Variants in NCAM2 observed in about 807,000 individuals in gnomAD.
NCAM2 encodes neural cell adhesion molecule 2.
A neutral mutation model predicts 98.1 loss-of-function variants in NCAM2; 30 were observed. That is an observed-to-expected ratio of 0.31 (90% CI 0.23 to 0.41). The LOEUF is 0.41. NCAM2 is among the 10% of genes least tolerant of loss of function. The pLI, the probability that NCAM2 is intolerant of heterozygous loss-of-function variation, is 1.00. For missense variants in NCAM2, 867 were observed against 1,005.8 expected, an observed-to-expected ratio of 0.86 and a Z score of 1.87; for synonymous variants, 368 against 342.4, an observed-to-expected ratio of 1.07 and a Z score of -0.83.
chr21:21,353,410 T>C (rs117464632), intron 8 of NCAM2, among the ~76,000 whole-genome samples: 2,664 of 152,290 alleles, frequency 0.017, 29 homozygotes, highest in Non-Finnish European at 0.027. Context: ...TTCCAGATCT[T>C]GTGACTGTAT....
intron 2 of NCAM2, among the ~76,000 whole-genome samples, chr21:21,282,903 CTATTA>C (rs1309827334): frequency 1.3e-5 from 2 of 151,540 alleles, no homozygotes; most frequent in African/African-American, 2.4e-5. Context: ...ATGAAATGTT[CTATTA>C]TATTAAGAAT....
intron 1 of NCAM2, among the ~76,000 whole-genome samples, chr21:21,268,613 T>A (rs1485661988): frequency 6.6e-6 from 1 of 152,140 alleles, no homozygotes; most frequent in East Asian, 1.9e-4. Flanking sequence ...CTCTCACTGT[T>A]ATTTTATCTC....
chr21:21,397,374 G>T (rs1392208831), intron 9 of NCAM2, among the ~76,000 whole-genome samples: 1 of 152,166 alleles, frequency 6.6e-6, no homozygotes, highest in Non-Finnish European at 1.5e-5. Flanking sequence ...CCCCCAGGCT[G>T]TTCATGCCAA....
rs112099348 is a variant in NCAM2, at chr21:21,044,703, T to C, written c.55+46085T>C. Among the ~76,000 whole-genome samples the C allele has an allele frequency of 5.9e-3, 904 of 152,296 alleles. 10 individuals are homozygous for C. Among genetic ancestry groups the C allele is most frequent in the African/African-American group, 0.02 (835 of 41,566 alleles). On this transcript the variant is annotated intron_variant, in intron 1 of 17. Transcript: ENST00000400546. ...GGATATGGCCAGATATGGCAGCTCATGCCTGTAATCCTAACATTTTGGGAG... is the reference window on the plus strand; with the variant it reads ...GGATATGGCCAGATATGGCAGCTCACGCCTGTAATCCTAACATTTTGGGAG...
intron 16 of NCAM2, among the ~76,000 whole-genome samples, chr21:21,521,709 A>C (rs560392410): frequency 1.2e-4 from 19 of 152,228 alleles, no homozygotes; most frequent in Non-Finnish European, 2.1e-4. Flanking sequence ...AAGAGGAAAT[A>C]AGAAAAAAAA....
intron 12 of NCAM2, among the ~76,000 whole-genome samples, chr21:21,449,493 G>A (rs1263497143): frequency 3.3e-5 from 5 of 151,928 alleles, no homozygotes; most frequent in Non-Finnish European, 7.4e-5. Context: ...TCCCAGTGAA[G>A]AATTCTTGTG....
intron 1 of NCAM2, among the ~76,000 whole-genome samples, chr21:21,018,745 A>G (rs551104337): frequency 6.6e-6 from 1 of 152,304 alleles, no homozygotes; most frequent in East Asian, 1.9e-4. Flanking sequence ...CAGGTCAACT[A>G]AGTGCACTTA....
chr21:21,210,520 A>G, intron 1 of NCAM2: 1 of 1,284,356 alleles, frequency 7.8e-7, no homozygotes, highest in Non-Finnish European at 1.0e-6. Flanking sequence ...AAGAGACTTA[A>G]AGAACAATTT....
At chr21:21,531,140 C>T (rs956610039) in intron 16 of NCAM2, among the ~76,000 whole-genome samples, 5 of 152,012 alleles carry the variant, frequency 3.3e-5, no homozygotes, top group East Asian at 1.9e-4. Flanking sequence ...TTAACCTTTT[C>T]TCTTACTTGT....
At chr21:21,147,243 A>T (rs1251017006) in intron 1 of NCAM2, 2 of 985,296 alleles carry the variant, frequency 2.0e-6, no homozygotes, top group Admixed American at 1.2e-4. Context: ...CCGGCATTTC[A>T]ACAAAAATGT....
chr21:21,482,053 G>C (rs111361813), intron 15 of NCAM2, among the ~76,000 whole-genome samples: 9,559 of 151,838 alleles, frequency 0.063, 1,020 homozygotes, highest in African/African-American at 0.22. Flanking sequence ...AGCCAAGATC[G>C]CGCCATTGCA....
chr21:21,322,888 G>T (rs749100115), intron 5 of NCAM2, among the ~76,000 whole-genome samples: 10 of 152,118 alleles, frequency 6.6e-5, no homozygotes, highest in Non-Finnish European at 1.3e-4. Flanking sequence ...ATAACTTGAA[G>T]GTAGTCCACC....
intron 1 of NCAM2, among the ~76,000 whole-genome samples, chr21:21,178,849 G>A (rs2068380882): frequency 6.6e-6 from 1 of 151,896 alleles, no homozygotes; most frequent in African/African-American, 2.4e-5. Flanking sequence ...TTATGCTTGA[G>A]CTTCAGGCTT....
At chr21:21,357,226 C>T (rs984621103) in intron 8 of NCAM2, among the ~76,000 whole-genome samples, 4 of 152,016 alleles carry the variant, frequency 2.6e-5, no homozygotes, top group African/African-American at 4.8e-5. Context: ...TACACAGGCC[C>T]GTTCAATGCG....
chr21:21,247,580 A>T lies in NCAM2; in HGVS notation c.56-32998A>T, dbSNP rs1292058506. Among the ~76,000 whole-genome samples the T allele has an allele frequency of 3.3e-5, 5 of 152,136 alleles. 1 individual carries two copies. The South Asian group carries it at 8.3e-4, about 25-fold the overall frequency. On this transcript the variant is annotated intron_variant, in intron 1 of 17. Transcript: ENST00000400546. ...ATTTATGCTGAATTATTTTTATCTC[A>T]TCAGGAATTTTGTGTTGGATGAAAT...
chr21:21,377,786 C>G (rs988531032), intron 9 of NCAM2, among the ~76,000 whole-genome samples: 1 of 151,874 alleles, frequency 6.6e-6, no homozygotes, highest in Non-Finnish European at 1.5e-5. Flanking sequence ...ACCTATTTCT[C>G]CTGTCTATCT....
intron 1 of NCAM2, among the ~76,000 whole-genome samples, chr21:21,267,760 G>A (rs1392759136): frequency 1.3e-5 from 2 of 152,124 alleles, no homozygotes; most frequent in Non-Finnish European, 2.9e-5. Context: ...TTTACAATGT[G>A]TCAAACACTG....
chr21:21,509,464 A>C (rs1334169359), intron 16 of NCAM2, among the ~76,000 whole-genome samples: 1 of 152,180 alleles, frequency 6.6e-6, no homozygotes, highest in African/African-American at 2.4e-5. Context: ...AAAACAACAA[A>C]ATTGTGGCAA....
In NCAM2 at chr21:21,261,463, A is replaced by G. The variant is rs2071896624; in HGVS notation, c.56-19115A>G. On this transcript the variant is annotated intron_variant, in intron 1 of 17. Coordinates refer to ENST00000400546, the MANE Select transcript of NCAM2 (RefSeq NM_004540.5). ...ATGCTTGGTAATCAAGCCAGTCTCA[A>G]TAAATTCAAAAGGATAAAAATTATG... Among the ~76,000 whole-genome samples the G allele has an allele frequency of 2.0e-5, 3 of 152,282 alleles. No homozygotes were observed. In the Middle Eastern group the frequency reaches 0.01, roughly 518 times the overall value.
Sources: gnomAD v4.1 joint callset for allele counts (sites outside exome capture counted in the v4.1 genomes callset) on GRCh38, gnomAD v4.1.1 for gene constraint, MANE v1.5 for transcripts, NCBI Gene and HGNC (gene_info 2026-07-23, HGNC 2026-07-21) for gene names.